Variants in SELP observed in about 807,000 individuals in gnomAD.
SELP encodes the protein P-selectin.
A neutral mutation model predicts 104.1 loss-of-function variants in SELP; 92 were observed. That is an observed-to-expected ratio of 0.88 (90% confidence interval 0.75 to 1.05). SELP has a LOEUF of 1.05. Ranked by LOEUF, SELP falls within the 50% of genes least tolerant of loss-of-function variation. The probability of loss-of-function intolerance (pLI) is 0.00; values close to 1 mark genes in which losing one functional copy is unlikely to be tolerated. For missense variants in SELP, 1,022 were observed against 1,017.3 expected, an observed-to-expected ratio of 1.00 and a Z score of -0.06; for synonymous variants, 397 against 364.5, an observed-to-expected ratio of 1.09 and a Z score of -1.01.
rs754348411 is a variant in SELP at position 169,613,056 on chromosome 1, A to G, written c.648T>C (p.Pro216=). The change falls in exon 5 of 17, where the codon CCT becomes CCC. Residue 216 remains proline, a synonymous_variant. Transcript: ENST00000263686. ...PQHVLMNCSH[P]LGNFSFNSQC... is the part of the protein sequence containing the mutation. ...GCGAGTTAAAAGAGAAGTTTCCCAG[A>G]GGGTGGCTGCAGTTCATGAGCACGT... 6.8e-6 allele frequency: 11 copies of G among 1,613,760 alleles called. No individual in the cohort carries two copies. In the East Asian group the frequency reaches 2.0e-4, roughly 29 times the overall value.
Position 169,624,474 on chromosome 1 carries a change from G to A in SELP, c.4-5255C>T, listed in dbSNP as rs138402137. Among the ~76,000 whole-genome samples, 8 of 152,290 alleles carry A rather than the reference G, an allele frequency of 5.3e-5. No individual in the cohort carries two copies. The East Asian group carries it at 5.8e-4, about 11-fold the overall frequency. On this transcript the variant is annotated intron_variant, in intron 1 of 16. Transcript: ENST00000263686. ...TTTACTTTAATAAAGAACTGGGCTG[G>A]TGCAGTGGCTCATGCCTCTAATCCC...
At chr1:169,619,978 G>A (rs1036842543) in intron 1 of SELP, among the ~76,000 whole-genome samples, 3 of 151,884 alleles carry the variant, frequency 2.0e-5, no homozygotes, top group East Asian at 1.9e-4. Context: ...TGAGGTGGGC[G>A]GATCATGAGG....
At chr1:169,621,874 G>A (rs1446228510) in intron 1 of SELP, among the ~76,000 whole-genome samples, 1 of 152,184 alleles carries the variant, frequency 6.6e-6, no homozygotes, top group African/African-American at 2.4e-5. Flanking sequence ...TCTGAATTGT[G>A]TTGTGTCACA....
chr1:169,600,664 A>G (rs2101880526), intron 10 of SELP, among the ~76,000 whole-genome samples: 1 of 152,314 alleles, frequency 6.6e-6, no homozygotes, highest in Non-Finnish European at 1.5e-5. Flanking sequence ...CCCTGAGTCC[A>G]TCTGATGTAT....
intron 4 of SELP, 64 bp from the exon 5 acceptor site, chr1:169,613,178 T>G: frequency 7.0e-7 from 1 of 1,437,736 alleles, no homozygotes; most frequent in Non-Finnish European, 9.3e-7. Flanking sequence ...TCATGTTTGC[T>G]GAAAGCTGTA....
Position 169,613,034 on chromosome 1 carries a change from A to G in SELP, c.670T>C (p.Ser224Pro), listed in dbSNP as rs1662626936. The G allele has an allele frequency of 2.5e-6, 4 of 1,613,772 alleles. No individual in the cohort carries two copies. The African/African-American group carries it at 4.0e-5, about 16-fold the overall frequency. ...TCAGTGCAGTGGAAGCTGCACTGCGAGTTAAAAGAGAAGTTTCCCAGAGGG... is the reference window on the plus strand; with the variant it reads ...TCAGTGCAGTGGAAGCTGCACTGCGGGTTAAAAGAGAAGTTTCCCAGAGGG... The part of the protein sequence containing the change: ...SHPLGNFSFN[S>P]QCSFHCTDGY... The change falls in exon 5 of 17, where the codon TCG (serine) becomes CCG (proline). Residue 224 changes from serine (S) to proline (P), a missense_variant. Ser to Pro is a moderately conservative substitution (Grantham distance 74). Transcript: ENST00000263686.
chr1:169,592,298 A>G (rs1005126410), intron 14 of SELP, among the ~76,000 whole-genome samples: 2 of 152,212 alleles, frequency 1.3e-5, no homozygotes, highest in East Asian at 1.9e-4. Flanking sequence ...AACAGCCTCA[A>G]TGTTTTGGTA....
chr1:169,610,551 C>T (rs1394578629), intron 7 of SELP, among the ~76,000 whole-genome samples: 1 of 152,262 alleles, frequency 6.6e-6, no homozygotes, highest in Non-Finnish European at 1.5e-5. Context: ...AATCCCAGCA[C>T]TTTGAGAGGC....
At chr1:169,613,539 A>C in intron 4 of SELP, 47 bp downstream of exon 4, 10 of 1,404,290 alleles carry the variant, frequency 7.1e-6, no homozygotes, top group Non-Finnish European at 9.1e-6. Flanking sequence ...TCTTGGCATC[A>C]TCTCTAGCAT....
chr1:169,600,336 A>T (rs1394371391), intron 10 of SELP, among the ~76,000 whole-genome samples: 3 of 152,238 alleles, frequency 2.0e-5, no homozygotes, highest in African/African-American at 7.2e-5. Context: ...TGCATTAGGT[A>T]TTATACGTAA....
chr1:169,595,092 A>C (rs891720172), intron 12 of SELP, among the ~76,000 whole-genome samples: 3 of 152,194 alleles, frequency 2.0e-5, no homozygotes, highest in African/African-American at 7.2e-5. Context: ...CAAGATGCAA[A>C]GATGGACACA....
At chr1:169,623,462 T>C (rs1663231846) in intron 1 of SELP, among the ~76,000 whole-genome samples, 1 of 152,214 alleles carries the variant, frequency 6.6e-6, no homozygotes, top group Non-Finnish European at 1.5e-5. Flanking sequence ...ATGTTTCCCA[T>C]TTTAACCTGT....
At chr1:169,626,638 A>G (rs1278253269) in intron 1 of SELP, among the ~76,000 whole-genome samples, 1 of 152,218 alleles carries the variant, frequency 6.6e-6, no homozygotes, top group Non-Finnish European at 1.5e-5. Context: ...CAGTTGGCAG[A>G]AGGGATACTT....
chr1:169,612,533 A>G, intron 5 of SELP, 131 bp from the exon 6 acceptor site: 1 of 784,408 alleles, frequency 1.3e-6, no homozygotes, highest in Non-Finnish European at 2.1e-6. Flanking sequence ...GAATGGTTAA[A>G]TGGTGTTTTC....
At chr1:169,591,405 C>A (rs1226599884) in intron 15 of SELP, 21 bp downstream of exon 15, 4 of 1,550,236 alleles carry the variant, frequency 2.6e-6, no homozygotes, top group South Asian at 2.4e-5. Flanking sequence ...TTTACTCAAT[C>A]ATAAAACATT....
chr1:169,605,489 G>A (rs576178837), intron 9 of SELP, among the ~76,000 whole-genome samples: 1 of 150,994 alleles, frequency 6.6e-6, no homozygotes, highest in East Asian at 2.0e-4. Flanking sequence ...GTGTGTGTGG[G>A]GGGTGTGTGT....
intron 9 of SELP, among the ~76,000 whole-genome samples, chr1:169,605,706 G>A (rs1235919711): frequency 2.0e-5 from 3 of 152,112 alleles, no homozygotes; most frequent in Admixed American, 6.5e-5. Context: ...AATTGCATAG[G>A]AGGAAAAGCG....
In SELP at chr1:169,607,049, G is replaced by A; in HGVS notation, c.1419C>T (p.Val473=). Residue 473 remains valine, a synonymous_variant, in exon 9 of 17, where the codon GTC becomes GTT. Coordinates refer to ENST00000263686, the MANE Select transcript of SELP (RefSeq NM_003005.4). ...AGCCTTCATTGCAGGTGAAGCTGCA[G>A]ACTGACTGGTACCTAAAGGCACCGA... ...HPFGAFRYQS[V]CSFTCNEGLL... is the part of the protein sequence containing the mutation. 6.2e-7 allele frequency: 1 copy of A among 1,613,768 alleles called. No individual in the cohort carries two copies. Among genetic ancestry groups the A allele is most frequent in the Non-Finnish European group, 8.5e-7 (1 of 1,179,720 alleles).
chr1:169,593,815 A>C, intron 13 of SELP, 91 bp from the exon 14 acceptor site: 1 of 1,366,454 alleles, frequency 7.3e-7, no homozygotes, highest in Non-Finnish European at 1.0e-6. Context: ...CAAGAACTCT[A>C]AGATGTGCGA....
Sources: allele counts gnomAD v4.1 joint callset (sites outside exome capture counted in the v4.1 genomes callset), GRCh38; gene constraint gnomAD v4.1.1; transcripts MANE v1.5; gene names NCBI Gene and HGNC (gene_info 2026-07-23, HGNC 2026-07-21).